ARHGAP31: variants seen among roughly 807,000 people sequenced by gnomAD.
ARHGAP31 encodes rho GTPase-activating protein 31.
Under a neutral mutation model 113.9 loss-of-function variants are expected in ARHGAP31, and 34 were observed. The observed-to-expected ratio is 0.30, with a 90% CI of 0.23 to 0.40. The LOEUF (loss-of-function observed/expected upper bound fraction) is 0.40, where lower values mean the gene tolerates loss of function less well. Ranked by LOEUF, ARHGAP31 falls within the 10% of genes least tolerant of loss-of-function variation. ARHGAP31 has a pLI of 1.00. For missense variants in ARHGAP31, 1,548 were observed against 1,767.1 expected (o/e 0.88, Z 2.22); for synonymous variants, 650 against 684.8 (o/e 0.95, Z 0.79).
chr3:119,342,430 T>A (rs2080016651), intron 1 of ARHGAP31, among the ~76,000 whole-genome samples: 1 of 152,200 alleles, frequency 6.6e-6, no homozygotes, highest in Non-Finnish European at 1.5e-5. Context: ...TTGCTTCACA[T>A]ATAACTGAAA....
At chr3:119,365,470 C>A in intron 2 of ARHGAP31, 52 bp downstream of exon 2, 1 of 1,484,348 alleles carries the variant, frequency 6.7e-7, no homozygotes, top group South Asian at 1.1e-5. Context: ...CCTCCTGTGT[C>A]CATGCCTCTG....
At chr3:119,399,931 G>A (rs1464517369) in intron 9 of ARHGAP31, among the ~76,000 whole-genome samples, 1 of 152,180 alleles carries the variant, frequency 6.6e-6, no homozygotes, top group Admixed American at 6.5e-5. Flanking sequence ...TGACTTGCCT[G>A]TATCTCTCTC....
intron 1 of ARHGAP31, among the ~76,000 whole-genome samples, chr3:119,326,089 G>A (rs1356014331): frequency 6.6e-6 from 1 of 152,186 alleles, no homozygotes; most frequent in African/African-American, 2.4e-5. Flanking sequence ...CTACTCAGGA[G>A]GCTGAGGCAG....
Position 119,416,211 on chromosome 3 carries a change from C to G in ARHGAP31, c.4282C>G (p.Pro1428Ala), listed in dbSNP as rs1460336107. ...LETSTSCFYQPQRRSVILDGR... is the reference protein window; with the variant it reads ...LETSTSCFYQAQRRSVILDGR... Reference sequence around the variant, plus strand: ...GACCTCAACCAGCTGTTTTTACCAGCCTCAGCGGAGATCAGTAATTCTGGA... The same window carrying G: ...GACCTCAACCAGCTGTTTTTACCAGGCTCAGCGGAGATCAGTAATTCTGGA... The change falls in exon 12 of 12, where the codon CCT becomes GCT. Residue 1428 changes from proline (P) to alanine (A), a missense_variant. Coordinates refer to ENST00000264245, the MANE Select transcript of ARHGAP31 (RefSeq NM_020754.4). 5.6e-6 allele frequency: 9 copies of G among 1,614,080 alleles called. No homozygotes were observed. The highest frequency in any genetic ancestry group is 5.9e-6 in the Non-Finnish European group (7 of 1,180,044).
chr3:119,319,769 G>A (rs896391544), intron 1 of ARHGAP31, among the ~76,000 whole-genome samples: 1 of 152,182 alleles, frequency 6.6e-6, no homozygotes, highest in Non-Finnish European at 1.5e-5. Flanking sequence ...TTGGTGAGAT[G>A]GTCAAGTTGT....
intron 3 of ARHGAP31, among the ~76,000 whole-genome samples, chr3:119,373,552 C>T (rs540764370): frequency 6.6e-6 from 1 of 152,118 alleles, no homozygotes; most frequent in Admixed American, 6.5e-5. Flanking sequence ...CAGCCTCCCC[C>T]ACCCGGGTTC....
chr3:119,350,476 G>A (rs573774712), intron 1 of ARHGAP31, among the ~76,000 whole-genome samples: 1 of 152,230 alleles, frequency 6.6e-6, no homozygotes, highest in East Asian at 1.9e-4. Flanking sequence ...ATACAAAAAC[G>A]AGAAGCCCCC....
At chr3:119,306,484 G>A (rs769654394) in intron 1 of ARHGAP31, among the ~76,000 whole-genome samples, 1 of 152,184 alleles carries the variant, frequency 6.6e-6, no homozygotes, top group Non-Finnish European at 1.5e-5. Context: ...TTGAACCTGG[G>A]AGGTGGAAGT....
chr3:119,395,622 T>C (rs1433181248), intron 8 of ARHGAP31, among the ~76,000 whole-genome samples: 2 of 152,116 alleles, frequency 1.3e-5, no homozygotes, highest in African/African-American at 4.8e-5. Flanking sequence ...GAAGGCCTCA[T>C]CAAAATTCCC....
intron 1 of ARHGAP31, among the ~76,000 whole-genome samples, chr3:119,352,037 C>T (rs1419157305): frequency 6.6e-6 from 1 of 152,106 alleles, no homozygotes; most frequent in Admixed American, 6.5e-5. Context: ...TGATGTCTCC[C>T]CCTACAAATC....
chr3:119,351,484 T>C (rs1174259578), intron 1 of ARHGAP31, among the ~76,000 whole-genome samples: 1 of 152,174 alleles, frequency 6.6e-6, no homozygotes, highest in Non-Finnish European at 1.5e-5. Context: ...GGACAAGTTG[T>C]CTAACCATAC....
chr3:119,303,060 A>C (rs724653), intron 1 of ARHGAP31, among the ~76,000 whole-genome samples: 32,259 of 152,120 alleles, frequency 0.21, 3,631 homozygotes, highest in African/African-American at 0.27. Context: ...GGTGTACCCA[A>C]TTTGTTATGC....
At chr3:119,319,449 C>T (rs970138669) in intron 1 of ARHGAP31, among the ~76,000 whole-genome samples, 6 of 151,912 alleles carry the variant, frequency 3.9e-5, no homozygotes, top group African/African-American at 1.5e-4. Context: ...ATTAAGAAAC[C>T]ACGGTACATT....
chr3:119,414,635 G>T lies in ARHGAP31; in HGVS notation c.2706G>T (p.Leu902=). The T allele has an allele frequency of 6.2e-7, 1 of 1,614,240 alleles. No homozygotes were observed. ...TGACAGACATTGCCCAGCATGGCCT[G>T]GAGATGGTGGAGCCCTGGGAGGAAC... ...DTVTDIAQHG[L]EMVEPWEEPQ... is the part of the protein sequence containing the mutation. The change falls in exon 12 of 12, where the codon CTG becomes CTT. Residue 902 remains leucine (L), a synonymous_variant. Transcript: ENST00000264245.
At chr3:119,382,054 C>CT (rs1489255221) in intron 4 of ARHGAP31, among the ~76,000 whole-genome samples, 2 of 150,018 alleles carry the variant, frequency 1.3e-5, no homozygotes, top group East Asian at 3.9e-4. Flanking sequence ...CTGTCTCTGA[C>CT]TGGTGCTCCA....
chr3:119,371,096 C>T (rs1366212553), intron 3 of ARHGAP31, among the ~76,000 whole-genome samples: 1 of 152,128 alleles, frequency 6.6e-6, no homozygotes, highest in African/African-American at 2.4e-5. Flanking sequence ...TTGTAATCCT[C>T]TTATCAGTAC....
intron 3 of ARHGAP31, among the ~76,000 whole-genome samples, chr3:119,374,267 G>T: frequency 6.6e-6 from 1 of 152,094 alleles, no homozygotes; most frequent in East Asian, 1.9e-4. Context: ...CTTAGTTCAT[G>T]TGAGATCTGC....
At position 119,415,822 on chromosome 3, in the gene ARHGAP31, T is replaced by C; in HGVS notation, c.3893T>C (p.Leu1298Pro). ...LSPEPGSSNL[L>P]STQDAVVQCR... The stretch of plus-strand genomic sequence containing the variant: ...CCAGAACCAGGCTCGTCTAACCTGC[T>C]CTCCACCCAGGATGCAGTAGTGCAA... Residue 1298 changes from leucine to proline, a missense_variant, in exon 12 of 12, where the codon CTC becomes CCC. By Grantham distance (98) the Leu-to-Pro change is moderately conservative (BLOSUM62 -3). Coordinates refer to ENST00000264245, the MANE Select transcript of ARHGAP31 (RefSeq NM_020754.4). The C allele has an allele frequency of 6.2e-7, 1 of 1,614,124 alleles. No homozygotes were observed.
intron 1 of ARHGAP31, among the ~76,000 whole-genome samples, chr3:119,302,895 A>G (rs962654078): frequency 3.3e-5 from 5 of 152,218 alleles, no homozygotes; most frequent in Non-Finnish European, 7.3e-5. Flanking sequence ...GGACATTTGC[A>G]TAGCACTTTA....
Sources: allele counts gnomAD v4.1 joint callset (sites outside exome capture counted in the v4.1 genomes callset), GRCh38; gene constraint gnomAD v4.1.1; transcripts MANE v1.5; gene names NCBI Gene and HGNC (gene_info 2026-07-23, HGNC 2026-07-21).